PDE3B: variants seen among roughly 807,000 people sequenced by gnomAD.
PDE3B encodes phosphodiesterase 3B.
Under a neutral mutation model 116.8 loss-of-function variants are expected in PDE3B, and 66 were observed. The observed-to-expected ratio is 0.56, with a 90% confidence interval of 0.46 to 0.69. The LOEUF (loss-of-function observed/expected upper bound fraction) is 0.69, where lower values mean the gene tolerates loss of function less well. PDE3B is among the 30% of genes least tolerant of loss of function. The probability of loss-of-function intolerance (pLI) is 0.00; values close to 1 mark genes in which losing one functional copy is unlikely to be tolerated. For missense variants in PDE3B, 1,384 were observed against 1,368.1 expected (o/e 1.01, Z -0.18); for synonymous variants, 595 against 533.6 (o/e 1.12, Z -1.59).
chr11:14,722,452 A>G (rs1401382286), intron 1 of PDE3B, among the ~76,000 whole-genome samples: 1 of 152,230 alleles, frequency 6.6e-6, no homozygotes, highest in Non-Finnish European at 1.5e-5. Context: ...CATGCCATTG[A>G]GTCAAGAGAG....
Position 14,644,696 on chromosome 11 carries a change from G to C in PDE3B, c.621G>C (p.Leu207=). 5.9e-6 allele frequency: 9 copies of C among 1,517,308 alleles called. No individual in the cohort carries two copies. Among genetic ancestry groups the C allele is most frequent in the Non-Finnish European group, 7.9e-6 (9 of 1,135,100 alleles). 94.0% of individuals were successfully genotyped at this position (1,517,308 alleles called of 1,614,324 possible). Residue 207 remains leucine (L), a synonymous_variant, in exon 1 of 16, where the codon CTG becomes CTC. Coordinates refer to ENST00000282096, the MANE Select transcript of PDE3B (RefSeq NM_000922.4). Reference sequence around the variant, plus strand: ...TGGTGCTGAGCTGCGTAGGGCTGCTGCTGACGCTCGCGCACCCGCTGCGGC... The same window carrying C: ...TGGTGCTGAGCTGCGTAGGGCTGCTCCTGACGCTCGCGCACCCGCTGCGGC... The part of the protein sequence containing the change: ...LLLVLSCVGL[L]LTLAHPLRLR...
At chr11:14,780,431 C>T (rs1857952964) in intron 2 of PDE3B, among the ~76,000 whole-genome samples, 1 of 152,156 alleles carries the variant, frequency 6.6e-6, no homozygotes, top group South Asian at 2.1e-4. Context: ...CACTCCTCAG[C>T]AAATGTAAAA....
intron 1 of PDE3B, among the ~76,000 whole-genome samples, chr11:14,660,669 A>G (rs575275239): frequency 6.6e-6 from 1 of 152,168 alleles, no homozygotes; most frequent in Non-Finnish European, 1.5e-5. Flanking sequence ...TATATTTCTA[A>G]TATGCCTTAC....
At chr11:14,667,857 AAT>A (rs1270461433) in intron 1 of PDE3B, among the ~76,000 whole-genome samples, 1 of 151,670 alleles carries the variant, frequency 6.6e-6, no homozygotes, top group Non-Finnish European at 1.5e-5. Context: ...TAATAATAAT[AAT>A]AAAAGAATTT....
At chr11:14,696,049 G>A (rs975760925) in intron 1 of PDE3B, among the ~76,000 whole-genome samples, 1 of 152,084 alleles carries the variant, frequency 6.6e-6, no homozygotes, top group Non-Finnish European at 1.5e-5. Context: ...GGGTCAAATG[G>A]TATTTCCGGT....
chr11:14,765,246 T>G (rs1857467127), intron 1 of PDE3B, among the ~76,000 whole-genome samples: 1 of 151,934 alleles, frequency 6.6e-6, no homozygotes, highest in Non-Finnish European at 1.5e-5. Context: ...AAATTTCACA[T>G]AAATATAACA....
At chr11:14,696,600 G>A (rs535764459) in intron 1 of PDE3B, among the ~76,000 whole-genome samples, 13 of 152,094 alleles carry the variant, frequency 8.5e-5, no homozygotes, top group African/African-American at 2.2e-4. Context: ...ATTCTCTTTT[G>A]TGAAATTTCT....
intron 1 of PDE3B, among the ~76,000 whole-genome samples, chr11:14,734,129 T>C (rs1484903069): frequency 2.6e-5 from 4 of 152,328 alleles, no homozygotes; most frequent in Non-Finnish European, 5.9e-5. Flanking sequence ...TGGAGTGCAG[T>C]GGCATGATCA....
At chr11:14,880,180 A>T in the PDE3B span, 1 of 1,612,968 alleles carries the variant, frequency 6.2e-7, no homozygotes, top group Non-Finnish European at 8.5e-7. Context: ...CGCCCACCGT[A>T]GCACATTGGT....
At chr11:14,727,960 A>G (rs1856357200) in intron 1 of PDE3B, among the ~76,000 whole-genome samples, 1 of 152,082 alleles carries the variant, frequency 6.6e-6, no homozygotes. Context: ...AGTGATGAAG[A>G]GCATGCTTAT....
intron 12 of PDE3B, among the ~76,000 whole-genome samples, chr11:14,844,559 G>A (rs1350965643): frequency 1.3e-5 from 2 of 152,228 alleles, no homozygotes; most frequent in Non-Finnish European, 2.9e-5. Context: ...AAGCACAAGG[G>A]GTCAGGGAGT....
chr11:14,885,898 C>T, the PDE3B span: 9 of 1,613,354 alleles, frequency 5.6e-6, no homozygotes, highest in Non-Finnish European at 7.6e-6. Context: ...TGATATGCCT[C>T]CAAGATCTAA....
At chr11:14,765,894 G>T (rs867425810) in intron 1 of PDE3B, among the ~76,000 whole-genome samples, 1 of 150,948 alleles carries the variant, frequency 6.6e-6, no homozygotes, top group Admixed American at 6.6e-5. Flanking sequence ...GGGTTTAGAT[G>T]CCTAAAACTT....
chr11:14,703,614 C>T (rs1170861520), intron 1 of PDE3B, among the ~76,000 whole-genome samples: 1 of 151,510 alleles, frequency 6.6e-6, no homozygotes, highest in African/African-American at 2.4e-5. Flanking sequence ...TTCTATGTAA[C>T]ATTTGTCTGC....
chr11:14,723,598 T>TA (rs1306621120), intron 1 of PDE3B, among the ~76,000 whole-genome samples: 126 of 150,286 alleles, frequency 8.4e-4, no homozygotes, highest in African/African-American at 2.9e-3. Flanking sequence ...TACACAAATT[T>TA]AAAAAAAAAC....
At chr11:14,777,301 A>C (rs1214683600) in intron 2 of PDE3B, among the ~76,000 whole-genome samples, 2 of 152,202 alleles carry the variant, frequency 1.3e-5, no homozygotes, top group Non-Finnish European at 2.9e-5. Flanking sequence ...GTGTTTGAGA[A>C]GGAGAAAGGG....
chr11:14,787,811 G>A (rs951746519), intron 3 of PDE3B, among the ~76,000 whole-genome samples: 1 of 151,576 alleles, frequency 6.6e-6, no homozygotes, highest in African/African-American at 2.4e-5. Flanking sequence ...TAACTCTAAT[G>A]TATTCTTGAG....
intron 1 of PDE3B, among the ~76,000 whole-genome samples, chr11:14,664,197 A>G (rs1454958491): frequency 1.3e-5 from 2 of 152,252 alleles, no homozygotes; most frequent in Admixed American, 6.5e-5. Flanking sequence ...AGGCAGAAAT[A>G]AAGATGTTCT....
intron 2 of PDE3B, among the ~76,000 whole-genome samples, chr11:14,778,009 G>A (rs1419445485): frequency 6.6e-6 from 1 of 152,230 alleles, no homozygotes; most frequent in Admixed American, 6.5e-5. Context: ...CGGCACACCA[G>A]GAGATTATGT....
Sources: gnomAD v4.1 joint callset for allele counts (sites outside exome capture counted in the v4.1 genomes callset) on GRCh38, gnomAD v4.1.1 for gene constraint, MANE v1.5 for transcripts, NCBI Gene and HGNC (gene_info 2026-07-23, HGNC 2026-07-21) for gene names.